The following GRID2 variants were observed in gnomAD, a reference collection of about 807,000 sequenced individuals.
The protein encoded by GRID2 is glutamate ionotropic receptor delta type subunit 2.
A neutral mutation model predicts 114.8 loss-of-function variants in GRID2; 33 were observed. That is an observed-to-expected ratio of 0.29 (90% CI 0.22 to 0.38). The LOEUF (loss-of-function observed/expected upper bound fraction) is 0.38. Ranked by LOEUF, GRID2 falls within the 10% of genes least tolerant of loss-of-function variation. GRID2 has a pLI of 1.00. For synonymous variants in GRID2, 505 were observed against 449.9 expected (o/e 1.12, Z -1.55); for missense variants, 1,184 against 1,257.7 (o/e 0.94, Z 0.89).
rs559795802 is a variant in GRID2 at position 93,761,261 on chromosome 4, A to T, written c.2361-7949A>T. Among the ~76,000 whole-genome samples, 10 of 152,258 alleles carry T rather than the reference A, an allele frequency of 6.6e-5. 1 individual carries two copies. The East Asian group carries it at 1.7e-3, about 26-fold the overall frequency. On this transcript the variant is annotated intron_variant, in intron 14 of 15. Transcript: ENST00000282020. The stretch of plus-strand genomic sequence containing the variant: ...GTCACCATCTCTGGTTCTAAAACGG[A>T]CTCATACTTTCCAATGATTGGACTT...
In GRID2 at chr4:93,372,638, G is replaced by A. The variant is rs546435925; in HGVS notation, c.1246-22969G>A. ...TCTCTAGTGTCTTGTAGACATTAGAGGCACAGAAACCATTTTTCACTGTCT... is the reference window on the plus strand; with the variant it reads ...TCTCTAGTGTCTTGTAGACATTAGAAGCACAGAAACCATTTTTCACTGTCT... On this transcript the variant is annotated intron_variant, in intron 8 of 15. Coordinates refer to ENST00000282020, the MANE Select transcript of GRID2 (RefSeq NM_001510.4). Among the ~76,000 whole-genome samples the A allele has an allele frequency of 2.6e-5, 4 of 152,118 alleles. No individual in the cohort carries two copies. In the South Asian group the frequency reaches 8.3e-4, roughly 32 times the overall value.
intron 10 of GRID2, among the ~76,000 whole-genome samples, chr4:93,429,024 T>G (rs1350905206): frequency 6.6e-6 from 1 of 152,178 alleles, no homozygotes; most frequent in Non-Finnish European, 1.5e-5. Context: ...CTGCCAGACG[T>G]ATGCCCCTTG....
intron 14 of GRID2, among the ~76,000 whole-genome samples, chr4:93,714,265 A>C (rs1728724167): frequency 6.6e-6 from 1 of 152,082 alleles, no homozygotes; most frequent in East Asian, 1.9e-4. Context: ...CAAAGACCAT[A>C]ATTCTCATTC....
chr4:93,726,184 G>A (rs1245988287), intron 14 of GRID2, among the ~76,000 whole-genome samples: 2 of 152,208 alleles, frequency 1.3e-5, no homozygotes, highest in East Asian at 1.9e-4. Flanking sequence ...AAGGGATACA[G>A]TTTTAACTTT....
rs187196460 is a variant in GRID2, at chr4:93,331,818, G to T, written c.1246-63789G>T. On this transcript the variant is annotated intron_variant, in intron 8 of 15. Coordinates refer to ENST00000282020, the MANE Select transcript of GRID2 (RefSeq NM_001510.4). ...CATACTTTACAGGGTTCTTAAAAGGGTTCAGTTAGCAATTAGGTAATAGTT... is the reference window on the plus strand; with the variant it reads ...CATACTTTACAGGGTTCTTAAAAGGTTTCAGTTAGCAATTAGGTAATAGTT... Among the ~76,000 whole-genome samples the T allele has an allele frequency of 8.2e-3, 1,253 of 152,148 alleles. 9 individuals are homozygous for T. Among genetic ancestry groups the T allele is most frequent in the Middle Eastern group, 0.031 (9 of 294 alleles).
intron 2 of GRID2, among the ~76,000 whole-genome samples, chr4:92,883,864 T>C (rs1746188390): frequency 6.6e-6 from 1 of 152,212 alleles, no homozygotes. Flanking sequence ...AATAGGTTAG[T>C]ATAAATTTAC....
chr4:93,326,630 T>C (rs1374900750), intron 8 of GRID2, among the ~76,000 whole-genome samples: 1 of 151,736 alleles, frequency 6.6e-6, no homozygotes, highest in Non-Finnish European at 1.5e-5. Context: ...GAAGGCAAGA[T>C]AGGGAGACAG....
intron 2 of GRID2, among the ~76,000 whole-genome samples, chr4:92,649,580 G>C (rs886500296): frequency 7.2e-5 from 11 of 151,926 alleles, no homozygotes; most frequent in African/African-American, 2.4e-4. Flanking sequence ...TCTGGGCATT[G>C]CTTGGCCCAA....
chr4:93,228,014 T>A (rs955799622), intron 7 of GRID2, among the ~76,000 whole-genome samples: 1 of 152,174 alleles, frequency 6.6e-6, no homozygotes, highest in African/African-American at 2.4e-5. Context: ...AGCAGTACAG[T>A]TTTTTTGCTA....
chr4:92,890,613 A>G (rs1746705621), intron 2 of GRID2, among the ~76,000 whole-genome samples: 1 of 152,214 alleles, frequency 6.6e-6, no homozygotes. Context: ...TCAGGAAACA[A>G]CAGATGCTGG....
At chr4:92,408,237 A>G (rs1560611838) in intron 1 of GRID2, among the ~76,000 whole-genome samples, 1 of 151,876 alleles carries the variant, frequency 6.6e-6, no homozygotes, top group Non-Finnish European at 1.5e-5. Context: ...TGATTTTGTT[A>G]AAGATCAGAT....
Position 93,689,294 on chromosome 4 carries a change from C to T in GRID2, c.2360+62859C>T, listed in dbSNP as rs145509801. 2.0e-5 allele frequency among the ~76,000 whole-genome samples: 3 copies of T among 152,150 alleles called. No homozygotes were observed. In the East Asian group the frequency reaches 5.8e-4, roughly 29 times the overall value. On this transcript the variant is annotated intron_variant, in intron 14 of 15. Transcript: ENST00000282020. ...TAACAAACTAATACAACATCTCTCC[C>T]ACTATTGTAGAAACAAAGCATTTCA...
intron 4 of GRID2, among the ~76,000 whole-genome samples, chr4:93,139,811 G>A (rs974452279): frequency 6.6e-6 from 1 of 151,788 alleles, no homozygotes; most frequent in African/African-American, 2.4e-5. Flanking sequence ...GTTACTTGCA[G>A]AAGATAAAAT....
intron 10 of GRID2, among the ~76,000 whole-genome samples, chr4:93,437,238 A>G (rs1721177537): frequency 6.6e-6 from 1 of 152,148 alleles, no homozygotes; most frequent in South Asian, 2.1e-4. Flanking sequence ...AAGTACTACT[A>G]TTATCTCAAT....
intron 14 of GRID2, among the ~76,000 whole-genome samples, chr4:93,704,273 T>C (rs1461393153): frequency 6.6e-6 from 1 of 152,232 alleles, no homozygotes; most frequent in Admixed American, 6.5e-5. Flanking sequence ...TTCATGTGTC[T>C]TTTGGCTGCA....
intron 2 of GRID2, among the ~76,000 whole-genome samples, chr4:92,761,199 A>G (rs1033011491): frequency 2.0e-5 from 3 of 152,048 alleles, no homozygotes; most frequent in African/African-American, 4.8e-5. Flanking sequence ...AAAAAATCAC[A>G]TTATTCAAAT....
intron 4 of GRID2, among the ~76,000 whole-genome samples, chr4:93,140,629 A>G (rs1579098899): frequency 6.6e-6 from 1 of 152,236 alleles, no homozygotes; most frequent in Non-Finnish European, 1.5e-5. Flanking sequence ...TACATTACAA[A>G]TAAGTCAAGG....
chr4:93,565,748 C>T (rs961239612), intron 13 of GRID2, among the ~76,000 whole-genome samples: 1 of 152,188 alleles, frequency 6.6e-6, no homozygotes, highest in African/African-American at 2.4e-5. Flanking sequence ...TCTTCATTCT[C>T]ATTCTCCAGG....
intron 2 of GRID2, among the ~76,000 whole-genome samples, chr4:92,648,890 A>G (rs1731775189): frequency 6.8e-6 from 1 of 146,316 alleles, no homozygotes; most frequent in Non-Finnish European, 1.5e-5. Context: ...AATAAAATAT[A>G]TATTATCAGA....
Sources: gnomAD v4.1 joint callset for allele counts (sites outside exome capture counted in the v4.1 genomes callset) on GRCh38, gnomAD v4.1.1 for gene constraint, MANE v1.5 for transcripts, NCBI Gene and HGNC (gene_info 2026-07-23, HGNC 2026-07-21) for gene names.